The following ELFN2 variants were observed in gnomAD, a reference collection of about 807,000 sequenced individuals.
ELFN2 encodes the protein extracellular leucine rich repeat and fibronectin type III domain containing 2.
Under a neutral mutation model 45.5 loss-of-function variants are expected in ELFN2, and 17 were observed. That is an observed-to-expected ratio of 0.37 (90% CI 0.26 to 0.56). The LOEUF (loss-of-function observed/expected upper bound fraction) is 0.56. Among genes scored for constraint, ELFN2 ranks in the 20% least tolerant of loss-of-function variants. The pLI, the probability that ELFN2 is intolerant of heterozygous loss-of-function variation, is 0.77. For synonymous variants in ELFN2, 550 were observed against 551.5 expected, an observed-to-expected ratio of 1.00 and a Z score of 0.04; for missense variants, 922 against 1,183.2, an observed-to-expected ratio of 0.78 and a Z score of 3.24.
At chr22:37,382,616 C>G (rs4821660) in intron 2 of ELFN2, among the ~76,000 whole-genome samples, 104,792 of 148,080 alleles carry the variant, frequency 0.71, 37,184 homozygotes, top group Admixed American at 0.8. Context: ...GTGGCACGAT[C>G]TCGGCTCACT....
intron 1 of ELFN2, among the ~76,000 whole-genome samples, chr22:37,345,494 C>T (rs1930675187): frequency 6.6e-6 from 1 of 152,122 alleles, no homozygotes; most frequent in Non-Finnish European, 1.5e-5. Context: ...CTGAGGCACA[C>T]CTGCTCCCCT....
At chr22:37,380,553 A>C (rs1470191901) in intron 2 of ELFN2, among the ~76,000 whole-genome samples, 2 of 152,170 alleles carry the variant, frequency 1.3e-5, no homozygotes, top group East Asian at 1.9e-4. Flanking sequence ...TCCCAGGAGC[A>C]GGGACGTGAG....
intron 1 of ELFN2, among the ~76,000 whole-genome samples, chr22:37,419,922 C>G (rs1002713363): frequency 1.9e-4 from 29 of 152,248 alleles, no homozygotes; most frequent in African/African-American, 5.5e-4. Context: ...CCGCCGCCAG[C>G]CCCCGCCCCT....
intron 2 of ELFN2, among the ~76,000 whole-genome samples, chr22:37,411,510 T>C (rs1932648977): frequency 6.6e-6 from 1 of 152,200 alleles, no homozygotes; most frequent in Non-Finnish European, 1.5e-5. Context: ...GACAATGTCC[T>C]CTGGGACAGG....
At chr22:37,387,207 C>T (rs1027525641) in intron 2 of ELFN2, among the ~76,000 whole-genome samples, 1 of 152,100 alleles carries the variant, frequency 6.6e-6, no homozygotes, top group African/African-American at 2.4e-5. Context: ...ATGTCCAGGC[C>T]CCCCAATAGC....
Position 37,417,165 on chromosome 22 carries a change from C to T in ELFN2, c.-463+604G>A, listed in dbSNP as rs960351832. Among the ~76,000 whole-genome samples the T allele has an allele frequency of 2.0e-5, 3 of 152,050 alleles. No homozygotes were observed. Among genetic ancestry groups the T allele is most frequent in the African/African-American group, 7.2e-5 (3 of 41,444 alleles). On this transcript the variant is annotated intron_variant, in intron 2 of 2. Coordinates refer to ENST00000402918, the MANE Select transcript of ELFN2 (RefSeq NM_052906.5). This position sits in a 1 kb window ranked among gnomAD's most constrained non-coding sequence, Gnocchi z 4.5. ...TCTCCAGGGCAGCCACCAGCCCCAG[C>T]CAGGACGGAGCAGCTCCTTCTGCCT...
At chr22:37,379,655 G>A (rs1377753336) in intron 2 of ELFN2, among the ~76,000 whole-genome samples, 1 of 152,176 alleles carries the variant, frequency 6.6e-6, no homozygotes, top group African/African-American at 2.4e-5. Context: ...CCCTCTCATG[G>A]GGACATTCAT....
intron 2 of ELFN2, among the ~76,000 whole-genome samples, chr22:37,413,878 T>A (rs1397359946): frequency 6.6e-6 from 1 of 152,140 alleles, no homozygotes; most frequent in Non-Finnish European, 1.5e-5. Flanking sequence ...CAGGTCCAAG[T>A]TCTTCAGCCT....
At chr22:37,376,623 G>C (rs1271487230) in intron 2 of ELFN2, among the ~76,000 whole-genome samples, 1 of 152,206 alleles carries the variant, frequency 6.6e-6, no homozygotes, top group Admixed American at 6.5e-5. Flanking sequence ...CATGGGGGAG[G>C]GGGAGCAGAA....
At chr22:37,381,905 G>A (rs947601209) in intron 2 of ELFN2, among the ~76,000 whole-genome samples, 4 of 125,346 alleles carry the variant, frequency 3.2e-5, no homozygotes, top group Non-Finnish European at 4.7e-5. Context: ...GCAGTGAGCC[G>A]AGATCGCGCC....
intron 2 of ELFN2, among the ~76,000 whole-genome samples, chr22:37,382,898 T>C (rs936556894): frequency 6.6e-6 from 1 of 152,154 alleles, no homozygotes; most frequent in African/African-American, 2.4e-5. Context: ...CTTCTTCTAT[T>C]ACAAAGCCAA....
chr22:37,383,673 G>A (rs10854702), intron 2 of ELFN2, among the ~76,000 whole-genome samples: 20 of 152,104 alleles, frequency 1.3e-4, no homozygotes, highest in Admixed American at 1.3e-3. Flanking sequence ...CACCCACGTT[G>A]CTTACGCGTT....
At chr22:37,353,209 C>G (rs1032033138) in intron 1 of ELFN2, 2 of 151,180 alleles carry the variant, frequency 1.3e-5, no homozygotes, top group Non-Finnish European at 3.0e-5. Context: ...GAGTCCCCAG[C>G]TCTATCTGGT....
chr22:37,403,624 C>T (rs11912700), intron 2 of ELFN2, among the ~76,000 whole-genome samples: 45,159 of 152,024 alleles, frequency 0.3, 7,100 homozygotes, highest in Non-Finnish European at 0.35. Flanking sequence ...CTGACATTCG[C>T]CCCAAATTCA....
intron 2 of ELFN2, among the ~76,000 whole-genome samples, chr22:37,379,078 G>A (rs1364914621): frequency 6.6e-6 from 1 of 152,224 alleles, no homozygotes; most frequent in Non-Finnish European, 1.5e-5. Flanking sequence ...GCAGGGAGGA[G>A]GTGAGGACTG....
intron 1 of ELFN2, among the ~76,000 whole-genome samples, chr22:37,426,014 C>G (rs1363823456): frequency 1.3e-5 from 2 of 152,136 alleles, no homozygotes; most frequent in Admixed American, 1.3e-4. Context: ...CAGCACCCCA[C>G]TCCCTCCAGC....
At chr22:37,418,954 A>C (rs1252386318) in intron 1 of ELFN2, 5 of 152,218 alleles carry the variant, frequency 3.3e-5, no homozygotes, top group African/African-American at 1.2e-4. Context: ...ACGTGCGCAC[A>C]CACACTCAGC....
At position 37,369,478 on chromosome 22, in the gene ELFN2, G is replaced by A. The variant is rs1931301208; in HGVS notation, c.*3594C>T. ...CCTCAGGAGGGGAGCCCAGGTGAGG[G>A]ATTCTTTGGTGGGCAGAGAGAGACT... On this transcript the variant is annotated 3_prime_UTR_variant, in exon 3 of 3. Transcript: ENST00000402918. 1 of 152,218 alleles carries A rather than the reference G, an allele frequency of 6.6e-6. No homozygotes were observed. Among genetic ancestry groups the A allele is most frequent in the African/African-American group, 2.4e-5 (1 of 41,464 alleles). 9.4% of individuals were successfully genotyped at this position (152,218 alleles called of 1,614,324 possible).
intron 2 of ELFN2, among the ~76,000 whole-genome samples, chr22:37,376,201 C>T (rs1056435550): frequency 1.7e-4 from 26 of 152,024 alleles, no homozygotes; most frequent in South Asian, 6.2e-4. Flanking sequence ...GGGGCTGGGA[C>T]GGAGGGAGAC....
Sources: allele counts gnomAD v4.1 joint callset (sites outside exome capture counted in the v4.1 genomes callset), GRCh38; gene constraint gnomAD v4.1.1; non-coding constraint Gnocchi (gnomAD v3.1); transcripts MANE v1.5; gene names NCBI Gene and HGNC (gene_info 2026-07-23, HGNC 2026-07-21).